The following GOSR2 variants were observed in gnomAD, a reference collection of about 807,000 sequenced individuals.
GOSR2 encodes golgi SNAP receptor complex member 2.
A neutral mutation model predicts 27.9 loss-of-function variants in GOSR2; 20 were observed. The observed-to-expected ratio is 0.72, with a 90% confidence interval of 0.50 to 1.04. The LOEUF is 1.04. GOSR2 is among the 50% of genes least tolerant of loss of function. The pLI, the probability that GOSR2 is intolerant of heterozygous loss-of-function variation, is 0.00. For missense variants in GOSR2, 261 were observed against 270.5 expected (o/e 0.97, Z 0.25); for synonymous variants, 91 against 98.8 (o/e 0.92, Z 0.47).
At position 46,933,631 on chromosome 17, in the gene GOSR2, C is replaced by CTTTTTT. The variant is rs5820637; in HGVS notation, c.337-1389_337-1384dup. The CTTTTTT allele has an allele frequency of 7.4e-5, 10 of 134,746 alleles. 1 individual carries two copies. The highest frequency in any genetic ancestry group is 3.9e-4 in the Admixed American group (5 of 12,744). The allele number at this position is 134,746 out of a possible 1,614,324, so 8.3% of individuals were successfully genotyped here. ...AGCAGCAAAGAAACAGTGGCATAAC[C>CTTTTTT]TTTTTTTTTTTTTTGGACAATTGAA... On this transcript the variant is annotated intron_variant, in intron 4 of 5. Coordinates refer to ENST00000640051, the MANE Select transcript of GOSR2 (RefSeq NM_004287.5).
At chr17:46,960,636 T>A (rs1354630608) in intron 6 of GOSR2, among the ~76,000 whole-genome samples, 1 of 152,174 alleles carries the variant, frequency 6.6e-6, no homozygotes, top group African/African-American at 2.4e-5. Flanking sequence ...AATTTAAATT[T>A]AAAAACCTGT....
chr17:46,951,907 C>T (rs560261681), intron 6 of GOSR2, among the ~76,000 whole-genome samples: 2 of 152,228 alleles, frequency 1.3e-5, no homozygotes, highest in East Asian at 1.9e-4. Flanking sequence ...CAGACATCAC[C>T]TCCCTCACAG....
intron 3 of GOSR2, 86 bp from the exon 4 acceptor site, chr17:46,931,981 C>G: frequency 8.4e-7 from 1 of 1,187,082 alleles, no homozygotes. Context: ...AAGGAAACGC[C>G]GTCTTTCCTC....
In GOSR2 at chr17:46,939,779, C is replaced by G. The variant is rs2088999574; in HGVS notation, c.*1019C>G. 1.8e-5 allele frequency: 18 copies of G among 987,364 alleles called. No homozygotes were observed. Among genetic ancestry groups the G allele is most frequent in the South Asian group, 4.7e-5 (1 of 21,382 alleles). The allele number at this position is 987,364 out of a possible 1,614,324, so 61.2% of individuals were successfully genotyped here. On this transcript the variant is annotated 3_prime_UTR_variant, in exon 6 of 6. Coordinates refer to ENST00000640051, the MANE Select transcript of GOSR2 (RefSeq NM_004287.5). Reference sequence around the variant, plus strand: ...GTTTTCAGGGACTACAACCTTTTTCCTTCTGTGACCAGCCCCGGATTCAGG... The same window carrying G: ...GTTTTCAGGGACTACAACCTTTTTCGTTCTGTGACCAGCCCCGGATTCAGG...
chr17:46,947,708 A>G (rs1189362546), intron 6 of GOSR2, among the ~76,000 whole-genome samples: 1 of 152,222 alleles, frequency 6.6e-6, no homozygotes, highest in East Asian at 1.9e-4. Context: ...GAGAATAATA[A>G]TAACTACCTC....
At chr17:46,944,039 T>C (rs1175617656), downstream of GOSR2, among the ~76,000 whole-genome samples, 1 of 152,174 alleles carries the variant, frequency 6.6e-6, no homozygotes. Context: ...TGGCCCTTCC[T>C]TCCAGGCATC....
intron 6 of GOSR2, among the ~76,000 whole-genome samples, chr17:46,974,297 C>G (rs993390123): frequency 1.3e-5 from 2 of 152,230 alleles, no homozygotes; most frequent in African/African-American, 4.8e-5. Context: ...GGCACAGTGC[C>G]TAGCCCACAG....
downstream of GOSR2, among the ~76,000 whole-genome samples, chr17:46,969,638 A>G (rs1330947313): frequency 6.6e-6 from 1 of 152,220 alleles, no homozygotes; most frequent in Non-Finnish European, 1.5e-5. Context: ...CAGTTTCCTT[A>G]TTCAGCAATA....
chr17:46,936,753 A>G, intron 5 of GOSR2: 1 of 983,246 alleles, frequency 1.0e-6, no homozygotes, highest in Non-Finnish European at 1.2e-6. Flanking sequence ...CTTTAGCAAG[A>G]GTCTGATTGT....
chr17:46,923,865 A>G (rs796945423), intron 1 of GOSR2: 13 of 398,310 alleles, frequency 3.3e-5, no homozygotes, highest in African/African-American at 2.3e-4. Context: ...TGAGATACGT[A>G]GTTGAGTATT....
intron 3 of GOSR2, 62 bp from the exon 4 acceptor site, chr17:46,932,005 G>T: frequency 6.7e-7 from 1 of 1,490,228 alleles, no homozygotes. Context: ...ACAAAGCCTG[G>T]CCCCCTCAGA....
intron 6 of GOSR2, among the ~76,000 whole-genome samples, chr17:46,952,035 G>A (rs1378178535): frequency 6.6e-6 from 1 of 152,154 alleles, no homozygotes; most frequent in Non-Finnish European, 1.5e-5. Flanking sequence ...ATTGCATCAG[G>A]GAGAGGGGGA....
intron 6 of GOSR2, among the ~76,000 whole-genome samples, chr17:46,972,234 G>A (rs967035917): frequency 1.3e-5 from 2 of 152,126 alleles, no homozygotes; most frequent in African/African-American, 2.4e-5. Context: ...CCCGCCACCC[G>A]CTTCTTCCTC....
At chr17:46,957,969 C>T (rs531643052) in intron 6 of GOSR2, among the ~76,000 whole-genome samples, 8 of 152,120 alleles carry the variant, frequency 5.3e-5, no homozygotes, top group Non-Finnish European at 8.8e-5. Flanking sequence ...TCTGACTGAG[C>T]GACTCCTAAC....
At chr17:46,933,809 TAAAA>T (rs2087795586) in intron 4 of GOSR2, among the ~76,000 whole-genome samples, 1 of 151,502 alleles carries the variant, frequency 6.6e-6, no homozygotes, top group Admixed American at 6.6e-5. Flanking sequence ...CAAAAAAATA[TAAAA>T]ATTAGCCGGG....
downstream of GOSR2, among the ~76,000 whole-genome samples, chr17:46,971,352 A>G (rs1053907071): frequency 1.3e-5 from 2 of 152,078 alleles, no homozygotes; most frequent in Non-Finnish European, 2.9e-5. Context: ...TAATTAATTA[A>G]TTAATTAAAA....
chr17:46,932,192 C>A lies in GOSR2; in HGVS notation c.329C>A (p.Thr110Asn), dbSNP rs1429041125. Residue 110 changes from threonine to asparagine, a missense_variant, in exon 4 of 6, where the codon ACC (threonine) becomes AAC (asparagine). Coordinates refer to ENST00000640051, the MANE Select transcript of GOSR2 (RefSeq NM_004287.5). ...QREELLSRTF[T>N]TNDSDTTIPM... ...GAAGAGCTTCTGTCTCGAACCTTCA[C>A]CACTAACGTAAGCCAGGCCCGTGGT... The A allele has an allele frequency of 1.9e-6, 3 of 1,614,094 alleles. No individual in the cohort carries two copies. Among genetic ancestry groups the A allele is most frequent in the Non-Finnish European group, 2.5e-6 (3 of 1,180,030 alleles).
chr17:46,934,795 A>G (rs1350033931), intron 4 of GOSR2, among the ~76,000 whole-genome samples: 2 of 152,070 alleles, frequency 1.3e-5, no homozygotes, highest in African/African-American at 4.8e-5. Flanking sequence ...AATGAACGAT[A>G]CTTGTGGAGT....
chr17:46,963,023 T>C (rs1568214791), intron 6 of GOSR2, among the ~76,000 whole-genome samples: 3 of 152,158 alleles, frequency 2.0e-5, no homozygotes, highest in Non-Finnish European at 4.4e-5. Flanking sequence ...ACATGGCTAA[T>C]AAAGAATAGA....
Sources: gnomAD v4.1 joint callset for allele counts (sites outside exome capture counted in the v4.1 genomes callset) on GRCh38, gnomAD v4.1.1 for gene constraint, MANE v1.5 for transcripts, NCBI Gene and HGNC (gene_info 2026-07-23, HGNC 2026-07-21) for gene names.